The following NMNAT2 variants were observed in gnomAD, a reference collection of about 807,000 sequenced individuals.
The protein encoded by NMNAT2 is nicotinamide/nicotinic acid mononucleotide adenylyltransferase 2.
Under a neutral mutation model 41.6 loss-of-function variants are expected in NMNAT2, and 11 were observed. The observed-to-expected ratio is 0.26, with a 90% confidence interval of 0.17 to 0.44. The LOEUF (loss-of-function observed/expected upper bound fraction) is 0.44. Ranked by LOEUF, NMNAT2 falls within the 20% of genes least tolerant of loss-of-function variation. NMNAT2 has a pLI of 1.00. For synonymous variants in NMNAT2, 148 were observed against 151.2 expected, an observed-to-expected ratio of 0.98 and a Z score of 0.16; for missense variants, 288 against 407.7, an observed-to-expected ratio of 0.71 and a Z score of 2.53.
At chr1:183,386,473 A>T (rs965323745) in intron 1 of NMNAT2, among the ~76,000 whole-genome samples, 10 of 152,228 alleles carry the variant, frequency 6.6e-5, no homozygotes, top group African/African-American at 2.4e-4. Context: ...TTTATAGAAA[A>T]CATCTTATGA....
At chr1:183,350,691 C>T (rs924002047) in intron 1 of NMNAT2, among the ~76,000 whole-genome samples, 11 of 152,148 alleles carry the variant, frequency 7.2e-5, no homozygotes, top group Non-Finnish European at 1.5e-4. Flanking sequence ...GAAGCTGTTA[C>T]AGAAATAAAA....
At position 183,306,304 on chromosome 1, in the gene NMNAT2, C is replaced by G. The variant is rs1340537447; in HGVS notation, c.86-12511G>C. Among the ~76,000 whole-genome samples the G allele has an allele frequency of 3.3e-5, 5 of 152,022 alleles. No individual in the cohort carries two copies. The East Asian group carries it at 9.6e-4, about 29-fold the overall frequency. On this transcript the variant is annotated intron_variant, in intron 1 of 10. Coordinates refer to ENST00000287713, the MANE Select transcript of NMNAT2 (RefSeq NM_015039.4). ...ACATGGTAAAAGGAATCCAGATAGC[C>G]CCTGGAAGCTAGAAAAGGCAAAAGA...
At chr1:183,333,860 C>T (rs895348392) in intron 1 of NMNAT2, among the ~76,000 whole-genome samples, 5 of 152,194 alleles carry the variant, frequency 3.3e-5, no homozygotes, top group African/African-American at 9.7e-5. Flanking sequence ...ATAAATGCTG[C>T]CATTAGCTCT....
rs1174524925 is a variant in NMNAT2 at position 183,286,682 on chromosome 1, A to C, written c.428T>G (p.Val143Gly). The C allele has an allele frequency of 5.0e-6, 8 of 1,610,688 alleles. No homozygotes were observed. The highest frequency in any genetic ancestry group is 5.9e-6 in the Non-Finnish European group (7 of 1,178,548). ...CCTACCTGCAGTGGGCTTGGTGGCCACGTTGCTGTTCTGGTAAATGGGCTG... is the reference window on the plus strand; with the variant it reads ...CCTACCTGCAGTGGGCTTGGTGGCCCCGTTGCTGTTCTGGTAAATGGGCTG... ...TPQPIYQNSN[V>G]ATKPTAAKIL... is the part of the protein sequence containing the mutation. The change falls in exon 5 of 11, where the codon GTG becomes GGG. Residue 143 changes from valine to glycine, a missense_variant. Transcript: ENST00000287713.
At chr1:183,270,243 T>C (rs1245137368) in intron 8 of NMNAT2, among the ~76,000 whole-genome samples, 3 of 152,100 alleles carry the variant, frequency 2.0e-5, no homozygotes, top group Non-Finnish European at 4.4e-5. Flanking sequence ...CCTTATTTTT[T>C]CCCCCAGCTT....
intron 1 of NMNAT2, among the ~76,000 whole-genome samples, chr1:183,384,601 G>A (rs11585912): frequency 6.6e-6 from 1 of 152,100 alleles, no homozygotes; most frequent in Non-Finnish European, 1.5e-5. Context: ...CTTCCACTAG[G>A]CCCCTTCTCC....
chr1:183,332,322 AT>A (rs2102339426), intron 1 of NMNAT2, among the ~76,000 whole-genome samples: 1 of 152,300 alleles, frequency 6.6e-6, no homozygotes, highest in Non-Finnish European at 1.5e-5. Context: ...CCAATGTGAG[AT>A]TTTTTAATAG....
chr1:183,339,287 C>T (rs557429726), intron 1 of NMNAT2, among the ~76,000 whole-genome samples: 10 of 152,012 alleles, frequency 6.6e-5, no homozygotes, highest in East Asian at 1.9e-4. Flanking sequence ...TTAGTAGAGA[C>T]GGGGTTTCAC....
At chr1:183,333,631 TG>T (rs1429146729) in intron 1 of NMNAT2, among the ~76,000 whole-genome samples, 4 of 148,704 alleles carry the variant, frequency 2.7e-5, no homozygotes, top group African/African-American at 5.1e-5. Context: ...TAATTTGTTT[TG>T]GACTTCTGGC....
At chr1:183,354,836 C>T (rs1663148531) in intron 1 of NMNAT2, among the ~76,000 whole-genome samples, 1 of 152,228 alleles carries the variant, frequency 6.6e-6, no homozygotes, top group South Asian at 2.1e-4. Context: ...CACCACCTAC[C>T]TACCACAAAA....
At chr1:183,369,357 G>A (rs1663482777) in intron 1 of NMNAT2, among the ~76,000 whole-genome samples, 1 of 150,118 alleles carries the variant, frequency 6.7e-6, no homozygotes, top group Non-Finnish European at 1.5e-5. Context: ...GCTCACTGCA[G>A]CCTCCACCTC....
intron 8 of NMNAT2, among the ~76,000 whole-genome samples, chr1:183,265,260 T>A (rs1660782892): frequency 2.9e-4 from 3 of 10,238 alleles, no homozygotes; most frequent in African/African-American, 4.0e-4. Flanking sequence ...TTCTTCTTCT[T>A]TTTTTTTTTT....
At chr1:183,381,212 G>T (rs1663797581) in intron 1 of NMNAT2, among the ~76,000 whole-genome samples, 1 of 152,102 alleles carries the variant, frequency 6.6e-6, no homozygotes, top group African/African-American at 2.4e-5. Context: ...TCCTGTTCTG[G>T]ACAGAAGATT....
chr1:183,326,277 G>A (rs1385305440), intron 1 of NMNAT2, among the ~76,000 whole-genome samples: 1 of 150,968 alleles, frequency 6.6e-6, no homozygotes, highest in African/African-American at 2.4e-5. Context: ...TTGGGAGGCT[G>A]AGGTGGGAGA....
At chr1:183,273,095 A>G (rs1380591582) in intron 8 of NMNAT2, among the ~76,000 whole-genome samples, 2 of 152,208 alleles carry the variant, frequency 1.3e-5, no homozygotes, top group African/African-American at 4.8e-5. Flanking sequence ...TTGGCCAATC[A>G]ATGTAGCCAG....
chr1:183,386,527 T>C (rs1268111453), intron 1 of NMNAT2, among the ~76,000 whole-genome samples: 8 of 152,148 alleles, frequency 5.3e-5, no homozygotes, highest in Non-Finnish European at 7.4e-5. Context: ...ACAAACATAA[T>C]AATTATTTTT....
intron 1 of NMNAT2, among the ~76,000 whole-genome samples, chr1:183,299,683 A>G (rs773135524): frequency 6.6e-6 from 1 of 151,312 alleles, no homozygotes; most frequent in Non-Finnish European, 1.5e-5. Flanking sequence ...AAAGGTGTTA[A>G]GAAGATTAAT....
intron 8 of NMNAT2, among the ~76,000 whole-genome samples, chr1:183,261,632 T>A (rs1006617651): frequency 2.6e-5 from 4 of 152,230 alleles, no homozygotes; most frequent in African/African-American, 9.6e-5. Context: ...CAGAATCACA[T>A]GAATGACATT....
chr1:183,386,927 A>G (rs1648265592), intron 1 of NMNAT2, among the ~76,000 whole-genome samples: 2 of 152,106 alleles, frequency 1.3e-5, no homozygotes, highest in Admixed American at 1.3e-4. Context: ...ACTTAGTTAA[A>G]TGCGAAGATG....
Sources: gnomAD v4.1 joint callset for allele counts (sites outside exome capture counted in the v4.1 genomes callset) on GRCh38, gnomAD v4.1.1 for gene constraint, MANE v1.5 for transcripts, NCBI Gene and HGNC (gene_info 2026-07-23, HGNC 2026-07-21) for gene names.